Variants in DNMT1 observed in about 807,000 individuals in gnomAD.
The protein encoded by DNMT1 is DNA methyltransferase 1, also known as DNA (cytosine-5)-methyltransferase 1.
Under a neutral mutation model 205.3 loss-of-function variants are expected in DNMT1, and 24 were observed. That is an observed-to-expected ratio of 0.12 (90% CI 0.08 to 0.16). The LOEUF is 0.16. DNMT1 is among the 10% of genes least tolerant of loss of function. The probability of loss-of-function intolerance (pLI) is 1.00; values close to 1 mark genes in which losing one functional copy is unlikely to be tolerated. For synonymous variants in DNMT1, 817 were observed against 839.8 expected, an observed-to-expected ratio of 0.97 and a Z score of 0.47; for missense variants, 1,293 against 2,177.7, an observed-to-expected ratio of 0.59 and a Z score of 8.09.
intron 19 of DNMT1, 131 bp from the exon 20 acceptor site, chr19:10,155,187 C>T (rs2038431015): frequency 8.0e-7 from 1 of 1,242,588 alleles, no homozygotes; most frequent in African/African-American, 1.5e-5. Flanking sequence ...ATGTCAGAAA[C>T]ATAGGGCACA....
At position 10,156,397 on chromosome 19, in the gene DNMT1, G is replaced by C. The variant is rs979325432; in HGVS notation, c.1393C>G (p.Leu465Val). Residue 465 changes from leucine (L) to valine (V), a missense_variant, in exon 18 of 41, where the codon CTT becomes GTT. Physicochemically the swap from Leu to Val is conservative, Grantham distance 32. Transcript: ENST00000359526. This position sits in a 1 kb window ranked among gnomAD's most constrained non-coding sequence, Gnocchi z 4.2. ...ATCCCGGACTATTCCTTACCTTCAA[G>C]AGATGGGTCATCATCATAGATTGGT... is the stretch of plus-strand genomic sequence containing the variant. ...AKPIYDDDPS[L>V]EGGVNGKNLG... 5 of 1,608,756 alleles carry C rather than the reference G, an allele frequency of 3.1e-6. No homozygotes were observed. Among genetic ancestry groups the C allele is most frequent in the Non-Finnish European group, 4.3e-6 (5 of 1,176,068 alleles).
At chr19:10,167,873 C>T (rs142657413) in intron 10 of DNMT1, among the ~76,000 whole-genome samples, 29 of 152,190 alleles carry the variant, frequency 1.9e-4, no homozygotes, top group African/African-American at 6.7e-4. Flanking sequence ...CCCCGTAATC[C>T]CAGCACTTTG....
At chr19:10,177,271 G>A (rs781566091) in intron 6 of DNMT1, 21 bp downstream of exon 6, 9 of 1,612,832 alleles carry the variant, frequency 5.6e-6, no homozygotes, top group Admixed American at 3.3e-5. Context: ...AAAGGCAGCC[G>A]CCAATTTATC....
chr19:10,173,235 G>GT, intron 8 of DNMT1, 61 bp from the exon 9 acceptor site: 1 of 1,561,300 alleles, frequency 6.4e-7, no homozygotes. Context: ...CAAAGAAGCA[G>GT]TTTTCATAAA....
intron 13 of DNMT1, among the ~76,000 whole-genome samples, chr19:10,161,093 T>A (rs2038558611): frequency 6.6e-6 from 1 of 151,798 alleles, no homozygotes; most frequent in African/African-American, 2.4e-5. Flanking sequence ...GATCACGAGA[T>A]CAAGAGATTG....
intron 34 of DNMT1, 34 bp downstream of exon 34, chr19:10,139,642 A>C (rs1015887532): frequency 8.7e-6 from 14 of 1,606,082 alleles, no homozygotes; most frequent in Non-Finnish European, 1.1e-5. Flanking sequence ...CGTGCTGGCC[A>C]CATCTGTCTG....
chr19:10,194,932 C>A lies in DNMT1; in HGVS notation c.-33G>T, dbSNP rs2039378718. On this transcript the variant is annotated 5_prime_UTR_variant, in exon 1 of 41. Coordinates refer to ENST00000359526, the MANE Select transcript of DNMT1 (RefSeq NM_001130823.3). The stretch of plus-strand genomic sequence containing the variant: ...GCTTCAGCAGACGCGGCGGCGGCAG[C>A]GCAGGCGCCCCGGCTTTTCGCGCGG... 1.3e-6 allele frequency: 2 copies of A among 1,587,112 alleles called. No homozygotes were observed. The highest frequency in any genetic ancestry group is 1.7e-6 in the Non-Finnish European group (2 of 1,167,140).
rs2039342737 is a variant in DNMT1, at chr19:10,193,575, G to C, written c.80+1245C>G. 2.0e-5 allele frequency among the ~76,000 whole-genome samples: 3 copies of C among 150,698 alleles called. No individual in the cohort carries two copies. The Admixed American group carries it at 2.0e-4, about 10-fold the overall frequency. On this transcript the variant is annotated intron_variant, in intron 1 of 40. Transcript: ENST00000359526. ...CATGGGGTTTTGCCTTGTTGCCCAG[G>C]CTGGTCTCAAACTCCTGGCTCAAGA... is the stretch of plus-strand genomic sequence containing the variant.
chr19:10,169,589 CCGTCTCTACTA>C (rs964710389), intron 9 of DNMT1, among the ~76,000 whole-genome samples: 3 of 148,060 alleles, frequency 2.0e-5, no homozygotes, highest in Admixed American at 6.8e-5. Flanking sequence ...ATAAATAACC[CCGTCTCTACTA>C]AAAATACAAA....
At chr19:10,183,879 A>G (rs986092678) in intron 1 of DNMT1, among the ~76,000 whole-genome samples, 2 of 151,926 alleles carry the variant, frequency 1.3e-5, no homozygotes, top group African/African-American at 4.8e-5. Flanking sequence ...CTGTCTCAAA[A>G]TAAAATAAAA....
At chr19:10,177,159 G>A (rs558559026) in intron 6 of DNMT1, 133 bp downstream of exon 6, 3 of 789,478 alleles carry the variant, frequency 3.8e-6, no homozygotes, top group African/African-American at 1.7e-5. Context: ...ATTCATAAAT[G>A]TCTAGAGAAC....
At position 10,159,626 on chromosome 19, in the gene DNMT1, C is replaced by A. The variant is rs760287082; in HGVS notation, c.1280+32G>T. ...ACCTCTGGGGATGTGCCTCCTTCCACGAAGCAAACATGCACACGAAAGTGC... is the reference window on the plus strand; with the variant it reads ...ACCTCTGGGGATGTGCCTCCTTCCAAGAAGCAAACATGCACACGAAAGTGC... On this transcript the variant is annotated intron_variant, in intron 17 of 40. Transcript: ENST00000359526. This position sits in a 1 kb window ranked among gnomAD's most constrained non-coding sequence, Gnocchi z 5.0. 6.2e-7 allele frequency: 1 copy of A among 1,609,760 alleles called. No homozygotes were observed. The highest frequency in any genetic ancestry group is 8.5e-7 in the Non-Finnish European group (1 of 1,176,322).
intron 33 of DNMT1, 75 bp from the exon 34 acceptor site, chr19:10,139,892 C>A (rs367689749): frequency 6.4e-7 from 1 of 1,561,006 alleles, no homozygotes; most frequent in African/African-American, 1.4e-5. Flanking sequence ...TGCCGGAAGC[C>A]CCTCACGAAT....
At position 10,159,301 on chromosome 19, in the gene DNMT1, C is replaced by T. The variant is rs184942808; in HGVS notation, c.1280+357G>A. ...CACCACCTCGGCTCACTGCAGCCTC[C>T]GCCTCCAGAGTTCAAGAAATTCTCC... On this transcript the variant is annotated intron_variant, in intron 17 of 40. Coordinates refer to ENST00000359526, the MANE Select transcript of DNMT1 (RefSeq NM_001130823.3). The surrounding 1 kb of genome is among the most constrained non-coding windows in gnomAD (Gnocchi z 5.0). Among the ~76,000 whole-genome samples the T allele has an allele frequency of 5.9e-5, 9 of 152,300 alleles. No homozygotes were observed. The highest frequency in any genetic ancestry group is 4.6e-4 in the Admixed American group (7 of 15,294).
intron 13 of DNMT1, 25 bp downstream of exon 13, chr19:10,162,642 A>G (rs1326249391): frequency 6.4e-7 from 1 of 1,572,246 alleles, no homozygotes. Flanking sequence ...AAAAAAAAAG[A>G]AAGAAAGAAA....
Position 10,140,679 on chromosome 19 carries a change from T to TAA in DNMT1, c.3523+101_3523+102insTT. ...CACCGTGCCTGGCCTCGGAAGGAGA[T>TAA]TCTTGAGTCAGGAAGGTGACCGGGG... On this transcript the variant is annotated intron_variant, in intron 32 of 40. Coordinates refer to ENST00000359526, the MANE Select transcript of DNMT1 (RefSeq NM_001130823.3). This position sits in a 1 kb window ranked among gnomAD's most constrained non-coding sequence, Gnocchi z 8.4. 1 of 1,600,502 alleles carries TAA rather than the reference T, an allele frequency of 6.2e-7. No homozygotes were observed. The highest frequency in any genetic ancestry group is 8.5e-7 in the Non-Finnish European group (1 of 1,169,780).
At chr19:10,185,481 A>G (rs1398756101) in intron 1 of DNMT1, among the ~76,000 whole-genome samples, 2 of 151,656 alleles carry the variant, frequency 1.3e-5, no homozygotes, top group East Asian at 3.9e-4. Context: ...CTACAAACAC[A>G]GTGGTAATAT....
rs200065669 is a variant in DNMT1 at position 10,182,560 on chromosome 19, TAC to T, written c.81-485_81-484del. Among the ~76,000 whole-genome samples, 221 of 148,768 alleles carry T rather than the reference TAC, an allele frequency of 1.5e-3. 1 individual carries two copies. Among genetic ancestry groups the T allele is most frequent in the African/African-American group, 4.2e-3 (171 of 40,646 alleles). On this transcript the variant is annotated intron_variant, in intron 1 of 40. Transcript: ENST00000359526. ...ATATATACATATGTGTATATATATATACACACACACACAGCAGCTCTGTAACA... is the reference window on the plus strand; with the variant it reads ...ATATATACATATGTGTATATATATATACACACACACAGCAGCTCTGTAACA...
chr19:10,138,818 C>T lies in DNMT1; in HGVS notation c.3949-213G>A, dbSNP rs1362432991. Among the ~76,000 whole-genome samples the T allele has an allele frequency of 6.6e-6, 1 of 152,210 alleles. No homozygotes were observed. The highest frequency in any genetic ancestry group is 1.5e-5 in the Non-Finnish European group (1 of 68,040). ...AAAAGCAGCTGAGCCCAGGGGACAG[C>T]CACTGGGGAAGGTGGGAGCAAACCC... On this transcript the variant is annotated intron_variant, in intron 34 of 40. Transcript: ENST00000359526. This position sits in a 1 kb window ranked among gnomAD's most constrained non-coding sequence, Gnocchi z 4.1.
Sources: allele counts gnomAD v4.1 joint callset (sites outside exome capture counted in the v4.1 genomes callset), GRCh38; gene constraint gnomAD v4.1.1; non-coding constraint Gnocchi (gnomAD v3.1); transcripts MANE v1.5; gene names NCBI Gene and HGNC (gene_info 2026-07-23, HGNC 2026-07-21).